NNT: variants seen among roughly 807,000 people sequenced by gnomAD.
NNT encodes NAD(P) transhydrogenase, mitochondrial.
NNT carries 50 observed loss-of-function variants against 104.8 expected under a neutral mutation model. The observed-to-expected ratio is 0.48, with a 90% CI of 0.38 to 0.60. The LOEUF is 0.60. Ranked by LOEUF, NNT falls within the 20% of genes least tolerant of loss-of-function variation. The pLI, the probability that NNT is intolerant of heterozygous loss-of-function variation, is 0.00. For synonymous variants in NNT, 461 were observed against 490.4 expected, an observed-to-expected ratio of 0.94 and a Z score of 0.79; for missense variants, 1,131 against 1,330.7, an observed-to-expected ratio of 0.85 and a Z score of 2.33.
intron 21 of NNT, among the ~76,000 whole-genome samples, chr5:43,703,745 G>A (rs1451896857): frequency 6.6e-6 from 1 of 152,132 alleles, no homozygotes; most frequent in African/African-American, 2.4e-5. Flanking sequence ...GTTAGTTATA[G>A]CTCTGCTATT....
chr5:43,640,461 A>ATTCTTCTAG (rs1339540076), intron 7 of NNT, among the ~76,000 whole-genome samples: 5 of 152,064 alleles, frequency 3.3e-5, no homozygotes, highest in Non-Finnish European at 7.4e-5. Context: ...GTTTTTCTAA[A>ATTCTTCTAG]TTCTTCTAGT....
chr5:43,648,396 C>T (rs916334019), intron 10 of NNT: 1 of 189,354 alleles, frequency 5.3e-6, no homozygotes, highest in Admixed American at 5.8e-5. Context: ...TGTTGCAGAA[C>T]AACTGTCCAC....
chr5:43,694,988 C>T (rs1006949936), intron 19 of NNT, among the ~76,000 whole-genome samples: 1 of 152,034 alleles, frequency 6.6e-6, no homozygotes, highest in African/African-American at 2.4e-5. Context: ...TCTTTATTGA[C>T]CTGTTCAGGG....
chr5:43,645,709 A>ATATATATTT (rs1401026662), intron 10 of NNT, 199 bp downstream of exon 10: 5 of 44,292 alleles, frequency 1.1e-4, no homozygotes, highest in South Asian at 8.9e-4. Context: ...ATATATATAT[A>ATATATATTT]TTTTTTTTTT....
chr5:43,698,546 T>A (rs1026465336), intron 19 of NNT, among the ~76,000 whole-genome samples: 2 of 152,170 alleles, frequency 1.3e-5, no homozygotes, highest in African/African-American at 4.8e-5. Context: ...CTTTCCTAAC[T>A]GTATGTATAG....
At chr5:43,661,325 A>G (rs908845511) in intron 17 of NNT, among the ~76,000 whole-genome samples, 1 of 152,154 alleles carries the variant, frequency 6.6e-6, no homozygotes, top group Non-Finnish European at 1.5e-5. Context: ...GATGAATTTG[A>G]ATGACCAGCA....
At chr5:43,623,866 T>C (rs141479676) in intron 5 of NNT, among the ~76,000 whole-genome samples, 166 bp from the exon 6 acceptor site, 342 of 152,354 alleles carry the variant, frequency 2.2e-3, no homozygotes, top group African/African-American at 7.8e-3. Flanking sequence ...AGTTAAAGAA[T>C]AGTCTATGTA....
At chr5:43,634,102 T>TA (rs1177825318) in intron 7 of NNT, among the ~76,000 whole-genome samples, 2 of 152,240 alleles carry the variant, frequency 1.3e-5, no homozygotes, top group Admixed American at 6.5e-5. Context: ...TTTTTGTTTT[T>TA]ATCTATACTT....
chr5:43,651,447 G>A (rs769120064), intron 12 of NNT, among the ~76,000 whole-genome samples: 4 of 151,988 alleles, frequency 2.6e-5, no homozygotes, highest in Non-Finnish European at 4.4e-5. Context: ...GCATAGTGGC[G>A]CGAGCCTATA....
intron 19 of NNT, among the ~76,000 whole-genome samples, chr5:43,696,126 A>T (rs1742544976): frequency 6.6e-6 from 1 of 152,186 alleles, no homozygotes; most frequent in South Asian, 2.1e-4. Context: ...CCAAAGTCTC[A>T]TATGAGACAA....
chr5:43,659,404 A>G (rs918602418), intron 17 of NNT, 54 bp downstream of exon 17: 16 of 1,401,532 alleles, frequency 1.1e-5, no homozygotes, highest in Non-Finnish European at 1.6e-5. Flanking sequence ...GAAAACATGG[A>G]TGTGCATGTC....
chr5:43,677,935 A>G, intron 19 of NNT, 129 bp downstream of exon 19: 1 of 684,218 alleles, frequency 1.5e-6, no homozygotes, highest in Non-Finnish European at 2.5e-6. Context: ...AAAAATCCAT[A>G]TATAACTTTT....
rs113652079 is a variant in NNT, at chr5:43,625,804, G to A, written c.776+1684G>A. ...TAGTACATGATTATTCTTCCAATTC[G>A]GAAAAATGTGAAAAAGCACAAGAAC... is the stretch of plus-strand genomic sequence containing the variant. On this transcript the variant is annotated intron_variant, in intron 6 of 21. Coordinates refer to ENST00000344920, the MANE Select transcript of NNT (RefSeq NM_182977.3). Among the ~76,000 whole-genome samples the A allele has an allele frequency of 4.6e-3, 694 of 151,844 alleles. 6 individuals are homozygous for A. Among genetic ancestry groups the A allele is most frequent in the African/African-American group, 0.015 (614 of 41,426 alleles).
intron 6 of NNT, among the ~76,000 whole-genome samples, chr5:43,627,509 G>A (rs978282371): frequency 2.0e-5 from 3 of 152,148 alleles, no homozygotes; most frequent in Admixed American, 6.5e-5. Context: ...ATTTACCATA[G>A]TGGAATGGAT....
intron 19 of NNT, among the ~76,000 whole-genome samples, chr5:43,698,044 T>A (rs568524623): frequency 4.0e-5 from 6 of 151,842 alleles, no homozygotes; most frequent in African/African-American, 1.5e-4. Context: ...ACTATAGACC[T>A]TGGAAAAAAA....
chr5:43,634,651 T>C (rs1750842509), intron 7 of NNT, among the ~76,000 whole-genome samples: 1 of 152,194 alleles, frequency 6.6e-6, no homozygotes, highest in Non-Finnish European at 1.5e-5. Flanking sequence ...TTTGAGGATA[T>C]TGAAGACATT....
In NNT at chr5:43,644,200, G is replaced by T. The variant is rs768602103; in HGVS notation, c.973G>T (p.Ala325Ser). The T allele has an allele frequency of 9.4e-6, 15 of 1,600,964 alleles. No homozygotes were observed. In the South Asian group the frequency reaches 1.5e-4, roughly 16 times the overall value. Residue 325 changes from alanine (A) to serine (S), a missense_variant, in exon 8 of 22, where the codon GCT becomes TCT. By Grantham distance (99) the Ala-to-Ser change is moderately conservative (BLOSUM62 1). Transcript: ENST00000344920. ...ISTALIPGKK[A>S]PVLFNKEMIE... is the part of the protein sequence containing the mutation. ...TTCTTTGATTTTATTAGGTAAAAAA[G>T]CTCCAGTTTTATTTAATAAAGAAAT...
At chr5:43,662,408 G>A (rs1740418274) in intron 17 of NNT, among the ~76,000 whole-genome samples, 2 of 151,764 alleles carry the variant, frequency 1.3e-5, no homozygotes, top group African/African-American at 4.8e-5. Flanking sequence ...GTTTTCTCTA[G>A]GTCTTCTATT....
chr5:43,669,241 C>G (rs1271769228), intron 17 of NNT, among the ~76,000 whole-genome samples: 4 of 152,078 alleles, frequency 2.6e-5, no homozygotes, highest in African/African-American at 9.7e-5. Flanking sequence ...GACAATTTGA[C>G]TTCCTCTTTT....
Sources: allele counts gnomAD v4.1 joint callset (sites outside exome capture counted in the v4.1 genomes callset), GRCh38; gene constraint gnomAD v4.1.1; transcripts MANE v1.5; gene names NCBI Gene and HGNC (gene_info 2026-07-23, HGNC 2026-07-21).